The following NRG3 variants were observed in gnomAD, a reference collection of about 807,000 sequenced individuals.
NRG3 encodes the protein pro-neuregulin-3, membrane-bound isoform.
NRG3 carries 31 observed loss-of-function variants against 66.9 expected under a neutral mutation model. That is an observed-to-expected ratio of 0.46 (90% CI 0.35 to 0.63). The LOEUF (loss-of-function observed/expected upper bound fraction) is 0.63, where lower values mean the gene tolerates loss of function less well. Ranked by LOEUF, NRG3 falls within the 20% of genes least tolerant of loss-of-function variation. The pLI, the probability that NRG3 is intolerant of heterozygous loss-of-function variation, is 0.00. For synonymous variants in NRG3, 393 were observed against 359.4 expected, an observed-to-expected ratio of 1.09 and a Z score of -1.06; for missense variants, 910 against 878.9, an observed-to-expected ratio of 1.04 and a Z score of -0.45.
intron 2 of NRG3, among the ~76,000 whole-genome samples, chr10:82,422,506 G>A (rs2089154097): frequency 6.6e-6 from 1 of 151,600 alleles, no homozygotes; most frequent in Admixed American, 6.6e-5. Flanking sequence ...ATGGATGTTA[G>A]CAAAAAAAAA....
At chr10:82,490,479 T>A (rs1843002601) in intron 2 of NRG3, among the ~76,000 whole-genome samples, 1 of 152,144 alleles carries the variant, frequency 6.6e-6, no homozygotes, top group African/African-American at 2.4e-5. Context: ...CTTTCTTACT[T>A]CTCTCCAAGC....
chr10:81,880,317 T>C (rs1393379419), intron 1 of NRG3, among the ~76,000 whole-genome samples: 1 of 152,156 alleles, frequency 6.6e-6, no homozygotes, highest in Non-Finnish European at 1.5e-5. Flanking sequence ...ATAGGAGGTG[T>C]TGTTAATTGA....
rs145220688 is a variant in NRG3, at chr10:82,934,145, T to C, written c.1055-17324T>C. 7.2e-3 allele frequency among the ~76,000 whole-genome samples: 1,091 copies of C among 152,312 alleles called. 13 individuals are homozygous for C. The highest frequency in any genetic ancestry group is 0.025 in the African/African-American group (1,029 of 41,564). ...AAATAAAAGATAGACTTAATGCAGCTTATGATGCCAAAAGAGATTCACTTT... is the reference window on the plus strand; with the variant it reads ...AAATAAAAGATAGACTTAATGCAGCCTATGATGCCAAAAGAGATTCACTTT... On this transcript the variant is annotated intron_variant, in intron 4 of 8. Transcript: ENST00000372141.
intron 2 of NRG3, among the ~76,000 whole-genome samples, chr10:82,667,689 G>A (rs575353856): frequency 1.3e-5 from 2 of 152,256 alleles, no homozygotes; most frequent in East Asian, 1.9e-4. Flanking sequence ...TCCTTGTCAA[G>A]AATGTCAGAA....
rs185009630 is a variant in NRG3, at chr10:82,481,912, G to A, written c.953+123044G>A. The stretch of plus-strand genomic sequence containing the variant: ...TGAGACAGGAGAACTGTTTGAACCC[G>A]GGAGGCAGAAGTTGCAGTGAGCTGA... On this transcript the variant is annotated intron_variant, in intron 2 of 8. Transcript: ENST00000372141. 5.3e-5 allele frequency among the ~76,000 whole-genome samples: 8 copies of A among 152,196 alleles called. No individual in the cohort carries two copies. In the East Asian group the frequency reaches 5.8e-4, roughly 11 times the overall value.
intron 5 of NRG3, among the ~76,000 whole-genome samples, chr10:82,951,881 C>T (rs1448481566): frequency 6.6e-6 from 1 of 152,222 alleles, no homozygotes; most frequent in Non-Finnish European, 1.5e-5. Flanking sequence ...GTATTAAGGG[C>T]TTGGTGTCTG....
intron 3 of NRG3, among the ~76,000 whole-genome samples, chr10:82,839,087 C>T (rs551744932): frequency 2.0e-5 from 3 of 152,216 alleles, no homozygotes; most frequent in Admixed American, 1.3e-4. Flanking sequence ...GAGATTTATG[C>T]GAGCTACAAT....
intron 2 of NRG3, among the ~76,000 whole-genome samples, chr10:82,415,588 T>C (rs1220468062): frequency 2.0e-5 from 3 of 152,170 alleles, no homozygotes; most frequent in Non-Finnish European, 4.4e-5. Flanking sequence ...AGAGTGATTG[T>C]AGGGAGACCA....
chr10:82,408,266 C>T (rs1482839094), intron 2 of NRG3, among the ~76,000 whole-genome samples: 2 of 151,822 alleles, frequency 1.3e-5, no homozygotes, highest in Non-Finnish European at 2.9e-5. Context: ...AGAGGATGCC[C>T]CAAAAAGAGT....
intron 7 of NRG3, 33 bp downstream of exon 7, chr10:82,973,948 C>T: frequency 1.2e-6 from 2 of 1,610,460 alleles, no homozygotes; most frequent in South Asian, 1.1e-5. Context: ...GGTGTGGGCA[C>T]CTTCACACTG....
chr10:82,882,198 CT>C (rs1842361560), intron 4 of NRG3, among the ~76,000 whole-genome samples: 1 of 152,106 alleles, frequency 6.6e-6, no homozygotes, highest in South Asian at 2.1e-4. Context: ...GTATAAGGCG[CT>C]TATGTGTTCT....
At chr10:82,028,463 A>G (rs1183869591) in intron 1 of NRG3, among the ~76,000 whole-genome samples, 1 of 152,072 alleles carries the variant, frequency 6.6e-6, no homozygotes, top group Non-Finnish European at 1.5e-5. Flanking sequence ...ACTTCTTAAT[A>G]CCTAAAATTG....
At chr10:82,429,662 C>A (rs2089668753) in intron 2 of NRG3, among the ~76,000 whole-genome samples, 1 of 152,076 alleles carries the variant, frequency 6.6e-6, no homozygotes, top group Admixed American at 6.5e-5. Context: ...TAGAATTTTT[C>A]ATCCAATTTT....
At chr10:82,167,084 T>G (rs1004097692) in intron 1 of NRG3, among the ~76,000 whole-genome samples, 1 of 152,054 alleles carries the variant, frequency 6.6e-6, no homozygotes, top group Non-Finnish European at 1.5e-5. Flanking sequence ...TTATATAGTT[T>G]TATTCTTTTT....
At chr10:81,965,947 A>G (rs1268795511) in intron 1 of NRG3, among the ~76,000 whole-genome samples, 1 of 152,052 alleles carries the variant, frequency 6.6e-6, no homozygotes, top group Non-Finnish European at 1.5e-5. Flanking sequence ...ATGATGGGGA[A>G]ATCCTTGTAT....
chr10:82,084,501 GAT>G (rs2133444390), intron 1 of NRG3, among the ~76,000 whole-genome samples: 1 of 72,514 alleles, frequency 1.4e-5, no homozygotes, highest in African/African-American at 5.3e-5. Flanking sequence ...ACATATATGA[GAT>G]TTTTTTTTTT....
intron 4 of NRG3, among the ~76,000 whole-genome samples, chr10:82,923,883 G>A (rs2132089571): frequency 6.6e-6 from 1 of 151,954 alleles, no homozygotes; most frequent in African/African-American, 2.4e-5. Context: ...GGTTGCTTGA[G>A]GTTAGGAGTT....
chr10:82,511,933 C>T (rs1421671219), intron 2 of NRG3, among the ~76,000 whole-genome samples: 1 of 151,568 alleles, frequency 6.6e-6, no homozygotes, highest in Non-Finnish European at 1.5e-5. Context: ...ATTCAAATTG[C>T]AGATGGAAAT....
intron 2 of NRG3, among the ~76,000 whole-genome samples, chr10:82,595,304 T>C (rs1310249964): frequency 1.3e-5 from 2 of 152,200 alleles, no homozygotes; most frequent in Non-Finnish European, 2.9e-5. Flanking sequence ...CATGCTGTGA[T>C]GAGTATATCC....
Sources: gnomAD v4.1 joint callset for allele counts (sites outside exome capture counted in the v4.1 genomes callset) on GRCh38, gnomAD v4.1.1 for gene constraint, MANE v1.5 for transcripts, NCBI Gene and HGNC (gene_info 2026-07-23, HGNC 2026-07-21) for gene names.